HCRTR2: variants seen among roughly 807,000 people sequenced by gnomAD.
HCRTR2 encodes the protein hypocretin receptor 2.
Under a neutral mutation model 49.0 loss-of-function variants are expected in HCRTR2, and 22 were observed. That is an observed-to-expected ratio of 0.45 (90% CI 0.32 to 0.64). The LOEUF is 0.64. Ranked by LOEUF, HCRTR2 falls within the 30% of genes least tolerant of loss-of-function variation. The probability of loss-of-function intolerance (pLI) is 0.04; values close to 1 mark genes in which losing one functional copy is unlikely to be tolerated. For missense variants in HCRTR2, 491 were observed against 559.4 expected (o/e 0.88, Z 1.23); for synonymous variants, 236 against 205.3 (o/e 1.15, Z -1.28).
chr6:55,218,934 C>T (rs932614027), intron 1 of HCRTR2, among the ~76,000 whole-genome samples: 14 of 152,132 alleles, frequency 9.2e-5, no homozygotes, highest in African/African-American at 3.4e-4. Context: ...AGTGATTCTC[C>T]CACTTCAGCC....
upstream of HCRTR2, among the ~76,000 whole-genome samples, chr6:55,172,717 C>T (rs1296526688): frequency 2.0e-5 from 3 of 151,784 alleles, no homozygotes; most frequent in Admixed American, 6.6e-5. Context: ...GCTTCCTCAT[C>T]TATTAAAGGG....
chr6:55,202,043 C>T (rs1765521582), intron 1 of HCRTR2, among the ~76,000 whole-genome samples: 1 of 152,044 alleles, frequency 6.6e-6, no homozygotes, highest in Admixed American at 6.6e-5. Flanking sequence ...AATGTAAGTT[C>T]CTGCACTCAC....
At chr6:55,187,225 T>C (rs1765231583) in intron 1 of HCRTR2, among the ~76,000 whole-genome samples, 1 of 151,434 alleles carries the variant, frequency 6.6e-6, no homozygotes, top group Admixed American at 6.6e-5. Context: ...GCCAACATGG[T>C]AAAACCCCAT....
chr6:55,165,744 A>AAT lies in HCRTR2; in HGVS notation c.-377-8423_-377-8422dup, dbSNP rs56655240. 1.8e-3 allele frequency among the ~76,000 whole-genome samples: 227 copies of AAT among 128,328 alleles called. 1 individual carries two copies. Among genetic ancestry groups the AAT allele is most frequent in the East Asian group, 8.0e-3 (26 of 3,256 alleles). The allele number at this position is 128,328 out of a possible 152,430, so 84.2% of individuals were successfully genotyped here. Reference sequence around the variant, plus strand: ...TATTTGTTAAGGGATTAGTATACAGAATATATATATATATATATATATATA... The same window carrying AAT: ...TATTTGTTAAGGGATTAGTATACAGAATATATATATATATATATATATATATA... On this transcript the variant is annotated intron_variant, in intron 1 of 7. Transcript: ENST00000615358.
At chr6:55,192,928 AG>A (rs1183654176) in intron 1 of HCRTR2, among the ~76,000 whole-genome samples, 6 of 152,330 alleles carry the variant, frequency 3.9e-5, no homozygotes, top group Admixed American at 3.9e-4. Context: ...AATGGCTACA[AG>A]GTCACAGGGA....
intron 1 of HCRTR2, among the ~76,000 whole-genome samples, chr6:55,247,923 C>A (rs1766477026): frequency 6.6e-6 from 1 of 152,090 alleles, no homozygotes; most frequent in Admixed American, 6.6e-5. Context: ...AAGAAGGCAA[C>A]CCATGTGGTG....
At chr6:55,193,216 G>C (rs911618869) in intron 1 of HCRTR2, among the ~76,000 whole-genome samples, 1 of 152,188 alleles carries the variant, frequency 6.6e-6, no homozygotes, top group African/African-American at 2.4e-5. Flanking sequence ...GGACATGACA[G>C]CATCATGGGA....
intron 1 of HCRTR2, among the ~76,000 whole-genome samples, chr6:55,245,155 G>A (rs1262179726): frequency 1.3e-5 from 2 of 151,534 alleles, no homozygotes; most frequent in Non-Finnish European, 3.0e-5. Context: ...TTTGGGCATA[G>A]CCACAGTCTT....
intron 1 of HCRTR2, among the ~76,000 whole-genome samples, chr6:55,107,262 T>C (rs976843130): frequency 1.3e-5 from 2 of 152,158 alleles, no homozygotes; most frequent in Non-Finnish European, 2.9e-5. Flanking sequence ...GAAAAAATAT[T>C]CAAATACTAT....
At chr6:55,152,592 G>A (rs1328640519) in intron 1 of HCRTR2, among the ~76,000 whole-genome samples, 1 of 151,964 alleles carries the variant, frequency 6.6e-6, no homozygotes, top group Non-Finnish European at 1.5e-5. Context: ...AAGATCTGGA[G>A]GCTAGAAGTT....
intron 1 of HCRTR2, among the ~76,000 whole-genome samples, chr6:55,201,313 T>C (rs1296296988): frequency 6.6e-6 from 1 of 152,140 alleles, no homozygotes; most frequent in Non-Finnish European, 1.5e-5. Context: ...ATTAGTAAAA[T>C]TCTACTTAAA....
chr6:55,240,703 T>G (rs1480398670), intron 1 of HCRTR2: 13 of 335,040 alleles, frequency 3.9e-5, no homozygotes, highest in Non-Finnish European at 4.2e-5. Flanking sequence ...AGAGTTTGTT[T>G]TACCTTTTTA....
chr6:55,123,238 C>T (rs1485359720), intron 1 of HCRTR2, among the ~76,000 whole-genome samples: 1 of 151,892 alleles, frequency 6.6e-6, no homozygotes, highest in African/African-American at 2.4e-5. Context: ...AGGTTTTGCC[C>T]ATTCAGTATG....
Position 55,175,692 on chromosome 6 carries a change from T to G in HCRTR2, c.223+882T>G, listed in dbSNP as rs1765028063. ...CCTCGACCCCTCATCCCCCTCCCCC[T>G]AAACAATTTCTGAGGGTTGGGGAGG... On this transcript the variant is annotated intron_variant, in intron 1 of 6. Transcript: ENST00000370862. 1.3e-5 allele frequency among the ~76,000 whole-genome samples: 2 copies of G among 152,018 alleles called. 1 individual carries two copies. Among genetic ancestry groups the G allele is most frequent in the Non-Finnish European group, 2.9e-5 (2 of 67,982 alleles).
intron 5 of HCRTR2, among the ~76,000 whole-genome samples, chr6:55,279,520 A>AACACACACACACACACACACAC (rs34736199): frequency 6.3e-5 from 9 of 142,680 alleles, no homozygotes; most frequent in South Asian, 2.4e-4. Context: ...TTCTTGCTGT[A>AACACACACACACACACACACAC]ACACACACAC....
chr6:55,197,847 C>T (rs541450833), intron 1 of HCRTR2, among the ~76,000 whole-genome samples: 1 of 151,984 alleles, frequency 6.6e-6, no homozygotes. Context: ...GGTCTCAATC[C>T]CCTGACCTTG....
downstream of HCRTR2, among the ~76,000 whole-genome samples, chr6:55,282,892 T>C (rs941552466): frequency 1.3e-5 from 2 of 151,942 alleles, no homozygotes; most frequent in East Asian, 1.9e-4. Context: ...GACTTAATAG[T>C]TTTTTTAAAA....
At chr6:55,122,549 T>A (rs1381232268) in intron 1 of HCRTR2, among the ~76,000 whole-genome samples, 6 of 152,134 alleles carry the variant, frequency 3.9e-5, no homozygotes, top group Non-Finnish European at 5.9e-5. Context: ...CTTTTAATTG[T>A]GATGTTAGGG....
intron 1 of HCRTR2, among the ~76,000 whole-genome samples, chr6:55,156,140 T>C (rs986238898): frequency 2.0e-5 from 3 of 151,682 alleles, no homozygotes; most frequent in Non-Finnish European, 2.9e-5. Context: ...ATAGTTACAT[T>C]ATTATTTTTA....
Sources: allele counts gnomAD v4.1 joint callset (sites outside exome capture counted in the v4.1 genomes callset), GRCh38; gene constraint gnomAD v4.1.1; transcripts MANE v1.5; gene names NCBI Gene and HGNC (gene_info 2026-07-23, HGNC 2026-07-21).